CMSS1: variants seen among roughly 807,000 people sequenced by gnomAD.
CMSS1 encodes protein CMSS1.
CMSS1 carries 33 observed loss-of-function variants against 43.5 expected under a neutral mutation model. That is an observed-to-expected ratio of 0.76 (90% CI 0.57 to 1.01). CMSS1 has a LOEUF of 1.01. CMSS1 is among the 50% of genes least tolerant of loss of function. The probability of loss-of-function intolerance (pLI) is 0.00; values close to 1 mark genes in which losing one functional copy is unlikely to be tolerated. For missense variants in CMSS1, 313 were observed against 326.4 expected, an observed-to-expected ratio of 0.96 and a Z score of 0.32; for synonymous variants, 115 against 117.2, an observed-to-expected ratio of 0.98 and a Z score of 0.12.
At chr3:99,873,819 T>C (rs990173821) in intron 1 of CMSS1, among the ~76,000 whole-genome samples, 3 of 152,186 alleles carry the variant, frequency 2.0e-5, no homozygotes, top group Non-Finnish European at 2.9e-5. Flanking sequence ...CATCACAGCA[T>C]TAGGAAAATA....
At chr3:100,149,067 C>G (rs558295162) in intron 2 of CMSS1, among the ~76,000 whole-genome samples, 1 of 152,274 alleles carries the variant, frequency 6.6e-6, no homozygotes, top group African/African-American at 2.4e-5. Context: ...GACTTACTTG[C>G]ACGTAGTCTT....
intron 1 of CMSS1, among the ~76,000 whole-genome samples, chr3:99,855,746 T>G (rs1358254723): frequency 1.3e-5 from 2 of 152,240 alleles, no homozygotes; most frequent in Non-Finnish European, 2.9e-5. Context: ...TAAATGTTTG[T>G]TCTTATATCT....
rs147655030 is a variant in CMSS1 at position 100,004,425 on chromosome 3, C to A, written c.65-142548C>A. On this transcript the variant is annotated intron_variant, in intron 1 of 9. Coordinates refer to ENST00000421999, the MANE Select transcript of CMSS1 (RefSeq NM_032359.4). ...TTGTGTTCATAAGAGAACTGTGTTA[C>A]CACTGAAACCAAGGGAGGAGAACCA... is the stretch of plus-strand genomic sequence containing the variant. Among the ~76,000 whole-genome samples the A allele has an allele frequency of 7.2e-3, 1,094 of 152,136 alleles. 4 individuals carry two copies. Among genetic ancestry groups the A allele is most frequent in the African/African-American group, 1.0e-2 (414 of 41,510 alleles).
rs936724518 is a variant in CMSS1 at position 100,166,390 on chromosome 3, A to T, written c.411A>T (p.Lys137Asn). The T allele has an allele frequency of 1.8e-5, 28 of 1,572,078 alleles. No individual in the cohort carries two copies. Among genetic ancestry groups the T allele is most frequent in the Non-Finnish European group, 2.4e-5 (27 of 1,142,608 alleles). Residue 137 changes from lysine (K) to asparagine (N), a missense_variant, in exon 5 of 10, where the codon AAA (lysine) becomes AAT (asparagine). By Grantham distance (94) the Lys-to-Asn change is moderately conservative. Coordinates refer to ENST00000421999, the MANE Select transcript of CMSS1 (RefSeq NM_032359.4). ...CTCACAGTCTTTCCTCATACCTAAA[A>T]GAAAGTAAGTAAACTCTGATTTTAA... ...DLTHSLSSYL[K>N]EICPKWVKLR... is the part of the protein sequence containing the mutation.
intron 1 of CMSS1, among the ~76,000 whole-genome samples, chr3:100,025,057 T>C (rs527377693): frequency 6.6e-6 from 1 of 152,346 alleles, no homozygotes; most frequent in South Asian, 2.1e-4. Flanking sequence ...ACACGCATTT[T>C]TCTTTGAATT....
chr3:100,020,359 A>G (rs1395193839), intron 1 of CMSS1, among the ~76,000 whole-genome samples: 1 of 152,214 alleles, frequency 6.6e-6, no homozygotes, highest in African/African-American at 2.4e-5. Context: ...CAGAAGTTGC[A>G]AGTTCCCCAA....
chr3:99,934,383 T>C (rs1192879644), intron 1 of CMSS1, among the ~76,000 whole-genome samples: 2 of 152,224 alleles, frequency 1.3e-5, no homozygotes, highest in Admixed American at 1.3e-4. Flanking sequence ...ATATATTTGG[T>C]TCTTTACTTC....
rs75568665 is a variant in CMSS1 at position 100,166,047 on chromosome 3, T to C, written c.356-288T>C. On this transcript the variant is annotated intron_variant, in intron 4 of 9. Transcript: ENST00000421999. ...CTTCATTTTGCATTTGTGTAGTCCC[T>C]ATTTTATGGATTTGGAAAATAAAGT... Among the ~76,000 whole-genome samples, 828 of 152,322 alleles carry C rather than the reference T, an allele frequency of 5.4e-3. 12 individuals are homozygous for C. The highest frequency in any genetic ancestry group is 0.018 in the African/African-American group (761 of 41,564).
chr3:100,130,540 A>C (rs7645856), intron 1 of CMSS1, among the ~76,000 whole-genome samples: 6,782 of 152,286 alleles, frequency 0.045, 397 homozygotes, highest in African/African-American at 0.14. Flanking sequence ...CCTAAGGGGG[A>C]CCACAGCCCA....
At position 100,171,831 on chromosome 3, in the gene CMSS1, T is replaced by C; in HGVS notation, c.519-8T>C. On this transcript the variant is annotated splice_polypyrimidine_tract_variant and splice_region_variant and intron_variant, in intron 6 of 9. Coordinates refer to ENST00000421999, the MANE Select transcript of CMSS1 (RefSeq NM_032359.4). ...TTTCTTAAGCATTCACCTGCTTCTT[T>C]TCATTAGGTCGATGACAGCATTCAG... The C allele has an allele frequency of 6.2e-7, 1 of 1,613,484 alleles. No homozygotes were observed. The highest frequency in any genetic ancestry group is 2.2e-5 in the East Asian group (1 of 44,884).
At chr3:99,954,656 T>A (rs1708268200) in intron 1 of CMSS1, among the ~76,000 whole-genome samples, 1 of 152,008 alleles carries the variant, frequency 6.6e-6, no homozygotes, top group Non-Finnish European at 1.5e-5. Context: ...TGAAACCCCG[T>A]CTCTACTAAA....
At chr3:99,953,192 C>T (rs980317637) in intron 1 of CMSS1, among the ~76,000 whole-genome samples, 7 of 152,058 alleles carry the variant, frequency 4.6e-5, no homozygotes, top group African/African-American at 1.7e-4. Context: ...TTTTCTACTT[C>T]CTCTGTGTTG....
chr3:99,999,941 A>G (rs1709794371), intron 1 of CMSS1, among the ~76,000 whole-genome samples: 1 of 152,160 alleles, frequency 6.6e-6, no homozygotes, highest in Non-Finnish European at 1.5e-5. Flanking sequence ...GTGTTGACAT[A>G]AAGGTATCTC....
intron 1 of CMSS1, among the ~76,000 whole-genome samples, chr3:100,109,449 G>A (rs1450678024): frequency 2.6e-5 from 4 of 152,094 alleles, no homozygotes; most frequent in Non-Finnish European, 4.4e-5. Context: ...TCCATCACCC[G>A]AGATGTTCCT....
chr3:99,923,675 G>A (rs999952338), intron 1 of CMSS1, among the ~76,000 whole-genome samples: 61 of 152,128 alleles, frequency 4.0e-4, no homozygotes, highest in African/African-American at 1.4e-3. Flanking sequence ...AGCTCCTCCA[G>A]TTGTTCCTCC....
intron 1 of CMSS1, among the ~76,000 whole-genome samples, chr3:100,067,166 CGTTTGTTTGTTTGTTT>C (rs4062235): frequency 6.6e-6 from 1 of 150,866 alleles, no homozygotes; most frequent in Non-Finnish European, 1.5e-5. Flanking sequence ...TTTTTGATCT[CGTTTGTTTGTTTGTTT>C]GTTTGTTTGT....
At chr3:99,842,030 A>G (rs1320514965) in intron 1 of CMSS1, among the ~76,000 whole-genome samples, 1 of 152,222 alleles carries the variant, frequency 6.6e-6, no homozygotes, top group Admixed American at 6.5e-5. Context: ...ATACTTGCAT[A>G]TAAGTGTGTT....
At chr3:99,942,211 AAAAG>A (rs1707872213) in intron 1 of CMSS1, among the ~76,000 whole-genome samples, 1 of 152,172 alleles carries the variant, frequency 6.6e-6, no homozygotes, top group East Asian at 1.9e-4. Context: ...CAAAAAAAAA[AAAAG>A]AAGTTACTGT....
In CMSS1 at chr3:99,848,884, G is replaced by A. The variant is rs202241125; in HGVS notation, c.64+30841G>A. Reference sequence around the variant, plus strand: ...ACAGTTCGGTATCACTGCAGTACTCGTGTAAGAGTGAGGACTCTCTGTGGT... The same window carrying A: ...ACAGTTCGGTATCACTGCAGTACTCATGTAAGAGTGAGGACTCTCTGTGGT... On this transcript the variant is annotated intron_variant, in intron 1 of 9. Transcript: ENST00000421999. The A allele has an allele frequency of 7.4e-5, 120 of 1,614,140 alleles. No individual in the cohort carries two copies. The African/African-American group carries it at 1.2e-3, about 16-fold the overall frequency.
Sources: allele counts gnomAD v4.1 joint callset (sites outside exome capture counted in the v4.1 genomes callset), GRCh38; gene constraint gnomAD v4.1.1; transcripts MANE v1.5; gene names NCBI Gene and HGNC (gene_info 2026-07-23, HGNC 2026-07-21).